PDIA6: variants seen among roughly 807,000 people sequenced by gnomAD.
PDIA6 encodes the protein protein disulfide isomerase family A member 6, also known as protein disulfide-isomerase A6.
In PDIA6, 29 loss-of-function variants were observed where a neutral mutation model predicts 58.4. The ratio of observed to expected loss-of-function variants is 0.50; its 90% CI spans 0.37 to 0.68. The LOEUF (loss-of-function observed/expected upper bound fraction) is 0.68. Among genes scored for constraint, PDIA6 ranks in the 30% least tolerant of loss-of-function variants. The pLI, the probability that PDIA6 is intolerant of heterozygous loss-of-function variation, is 0.00. For missense variants in PDIA6, 480 were observed against 551.0 expected (o/e 0.87, Z 1.29); for synonymous variants, 192 against 202.6 (o/e 0.95, Z 0.44).
chr2:10,785,535 T>C (rs989423769), intron 11 of PDIA6, among the ~76,000 whole-genome samples: 4 of 152,152 alleles, frequency 2.6e-5, no homozygotes, highest in African/African-American at 9.7e-5. Context: ...CCAGAAATAC[T>C]GTGGGCACAA....
At chr2:10,830,445 C>T (rs1734439) in intron 1 of PDIA6, among the ~76,000 whole-genome samples, 38,159 of 152,126 alleles carry the variant, frequency 0.25, 5,380 homozygotes, top group East Asian at 0.38. Context: ...CCTGCGGGCA[C>T]AGCTATGGGG....
At chr2:10,832,445 C>G (rs1667735206) in exon 1 of PDIA6, 4 of 985,438 alleles carry the variant, frequency 4.1e-6, no homozygotes, top group Non-Finnish European at 4.8e-6. Context: ...GTTTGAAGCA[C>G]GAGGCCAGGA....
At chr2:10,807,392 C>A (rs1666809326) in intron 1 of PDIA6, among the ~76,000 whole-genome samples, 1 of 152,092 alleles carries the variant, frequency 6.6e-6, no homozygotes, top group Non-Finnish European at 1.5e-5. Context: ...TTTGTAGAGA[C>A]AGGGTCTCCC....
upstream of PDIA6, among the ~76,000 whole-genome samples, chr2:10,815,084 C>T (rs1667151242): frequency 6.7e-6 from 1 of 148,384 alleles, no homozygotes; most frequent in South Asian, 2.1e-4. Context: ...GCACAGGCTT[C>T]GGGAAATGCA....
chr2:10,813,167 C>T (rs551708200), upstream of PDIA6, among the ~76,000 whole-genome samples: 3 of 152,304 alleles, frequency 2.0e-5, no homozygotes, highest in South Asian at 4.1e-4. Context: ...GAGCGTGACT[C>T]GGCCTCAGGG....
chr2:10,830,777 C>G (rs1667689271), intron 1 of PDIA6, among the ~76,000 whole-genome samples: 1 of 152,196 alleles, frequency 6.6e-6, no homozygotes, highest in African/African-American at 2.4e-5. Context: ...TGGCTGTGCC[C>G]CTGGACACAC....
chr2:10,822,673 T>C (rs1667435551), intron 1 of PDIA6, among the ~76,000 whole-genome samples: 1 of 152,266 alleles, frequency 6.6e-6, no homozygotes, highest in Admixed American at 6.5e-5. Context: ...CTTCACCCTC[T>C]ATACCATCTA....
At chr2:10,810,477 G>A (rs1466219967) in intron 1 of PDIA6, 7 of 1,313,614 alleles carry the variant, frequency 5.3e-6, no homozygotes, top group Admixed American at 3.6e-5. Flanking sequence ...TTCCCTTTCC[G>A]TATAAAGACG....
At chr2:10,818,485 T>TTA (rs1558460296) in intron 2 of PDIA6, among the ~76,000 whole-genome samples, 57 of 47,156 alleles carry the variant, frequency 1.2e-3, no homozygotes, top group African/African-American at 3.2e-3. Flanking sequence ...CCATTTAATT[T>TTA]ATTTATTTAT....
At chr2:10,807,748 C>A (rs1251267091) in intron 1 of PDIA6, among the ~76,000 whole-genome samples, 1 of 152,184 alleles carries the variant, frequency 6.6e-6, no homozygotes, top group African/African-American at 2.4e-5. Context: ...AAGGAGTGTA[C>A]ACCATTGTTC....
At chr2:10,788,578 A>AC in intron 10 of PDIA6, 119 bp downstream of exon 10, 3 of 731,984 alleles carry the variant, frequency 4.1e-6, no homozygotes, top group South Asian at 3.3e-5. Context: ...GAAAAAAAAA[A>AC]AAAACATATA....
At chr2:10,836,850 T>C (rs931264701), upstream of PDIA6, among the ~76,000 whole-genome samples, 2 of 152,090 alleles carry the variant, frequency 1.3e-5, no homozygotes, top group African/African-American at 4.8e-5. Flanking sequence ...TGTCTCAGGG[T>C]AGCAGACAGG....
chr2:10,819,310 T>G (rs1289123840), exon 2 of PDIA6: 1 of 1,539,482 alleles, frequency 6.5e-7, no homozygotes, highest in Non-Finnish European at 8.8e-7. Flanking sequence ...GGATACATTA[T>G]GGGACTTTTC....
intron 11 of PDIA6, among the ~76,000 whole-genome samples, chr2:10,786,228 C>A (rs1418823616): frequency 1.3e-5 from 2 of 151,880 alleles, no homozygotes; most frequent in African/African-American, 2.4e-5. Flanking sequence ...GAGGCTGAGG[C>A]AGGAGAATCA....
chr2:10,829,152 C>A (rs959316570), intron 1 of PDIA6, among the ~76,000 whole-genome samples: 4 of 152,182 alleles, frequency 2.6e-5, no homozygotes, highest in East Asian at 1.9e-4. Context: ...CTGGCCTGAG[C>A]TTTTGGAGAG....
intron 1 of PDIA6, among the ~76,000 whole-genome samples, chr2:10,824,602 T>C (rs1181992922): frequency 2.0e-5 from 3 of 152,214 alleles, no homozygotes; most frequent in Non-Finnish European, 4.4e-5. Flanking sequence ...AGAGTGGCAT[T>C]TGCTTGGGCA....
intron 1 of PDIA6, among the ~76,000 whole-genome samples, chr2:10,827,940 G>T (rs1381118926): frequency 1.3e-5 from 2 of 151,080 alleles, no homozygotes; most frequent in African/African-American, 4.9e-5. Flanking sequence ...AAAATTAATA[G>T]ACTTCATTTA....
At chr2:10,809,207 G>A (rs1038825050) in intron 1 of PDIA6, among the ~76,000 whole-genome samples, 1 of 152,274 alleles carries the variant, frequency 6.6e-6, no homozygotes, top group African/African-American at 2.4e-5. Context: ...CATTTTAAAT[G>A]TAGCTACTAG....
At chr2:10,795,035 G>C (rs1442065957) in intron 4 of PDIA6, among the ~76,000 whole-genome samples, 1 of 152,186 alleles carries the variant, frequency 6.6e-6, no homozygotes, top group Admixed American at 6.5e-5. Flanking sequence ...TATGTCACTT[G>C]ATAACACAGA....
Sources: allele counts gnomAD v4.1 joint callset (sites outside exome capture counted in the v4.1 genomes callset), GRCh38; gene constraint gnomAD v4.1.1; transcripts MANE v1.5; gene names NCBI Gene and HGNC (gene_info 2026-07-23, HGNC 2026-07-21).